GABRG1: variants seen among roughly 807,000 people sequenced by gnomAD.
GABRG1 encodes the protein gamma-aminobutyric acid receptor subunit gamma-1.
Under a neutral mutation model 49.8 loss-of-function variants are expected in GABRG1, and 49 were observed. The ratio of observed to expected loss-of-function variants is 0.98; its 90% CI spans 0.78 to 1.25. The LOEUF (loss-of-function observed/expected upper bound fraction) is 1.25. Among genes scored for constraint, GABRG1 ranks in the 50% most tolerant of loss-of-function variants. The pLI is 0.00. For missense variants in GABRG1, 552 were observed against 552.3 expected, an observed-to-expected ratio of 1.00 and a Z score of 0.01; for synonymous variants, 232 against 185.1, an observed-to-expected ratio of 1.25 and a Z score of -2.06.
chr4:46,074,737 G>C (rs1719261507), intron 3 of GABRG1, among the ~76,000 whole-genome samples: 1 of 152,090 alleles, frequency 6.6e-6, no homozygotes, highest in South Asian at 2.1e-4. Flanking sequence ...GCCTTTGCTA[G>C]ATATAAAAAT....
chr4:46,117,441 T>C (rs988761246), intron 1 of GABRG1, among the ~76,000 whole-genome samples: 7 of 150,094 alleles, frequency 4.7e-5, no homozygotes, highest in African/African-American at 1.5e-4. Flanking sequence ...TGCCACATCT[T>C]ACACAACCAG....
chr4:46,064,446 GA>G lies in GABRG1; in HGVS notation c.619del (p.Ser207GlnfsTer19). The part of the protein sequence containing the change: ...MDEHSCPLEF[S>X]SYGYPKNEIE... ...TCAAGTGTTTTGTTACTTACAGCTTGAAAATTCCAGTGGACAGGAATGTTCA... is the reference window on the plus strand; with the variant it reads ...TCAAGTGTTTTGTTACTTACAGCTTGAAATTCCAGTGGACAGGAATGTTCA... On this transcript the variant is annotated frameshift_variant, in exon 5 of 9. Coordinates refer to ENST00000295452, the MANE Select transcript of GABRG1 (RefSeq NM_173536.4). LOFTEE classifies it high-confidence loss of function. 1.1e-5 allele frequency: 17 copies of G among 1,511,682 alleles called. No homozygotes were observed. Among genetic ancestry groups the G allele is most frequent in the Non-Finnish European group, 1.4e-5 (16 of 1,125,542 alleles). 93.6% of individuals were successfully genotyped at this position (1,511,682 alleles called of 1,614,324 possible). A position where few individuals can be genotyped will look rare whatever the true frequency, so the allele number is the denominator to read the frequency against.
chr4:46,117,759 T>C (rs1720957462), intron 1 of GABRG1, among the ~76,000 whole-genome samples: 1 of 140,844 alleles, frequency 7.1e-6, no homozygotes, highest in South Asian at 2.1e-4. Context: ...CATACATGTA[T>C]ATACATATAC....
intron 8 of GABRG1, among the ~76,000 whole-genome samples, chr4:46,045,151 A>G (rs139776979): frequency 6.6e-6 from 1 of 152,122 alleles, no homozygotes; most frequent in Non-Finnish European, 1.5e-5. Flanking sequence ...TACTGATTCT[A>G]ATATTTTAGG....
chr4:46,107,353 A>G (rs1454343532), intron 1 of GABRG1, among the ~76,000 whole-genome samples: 1 of 151,314 alleles, frequency 6.6e-6, no homozygotes, highest in Non-Finnish European at 1.5e-5. Flanking sequence ...ATAATAATGT[A>G]CACAATGCTT....
chr4:46,059,528 A>C (rs994620819), intron 5 of GABRG1, among the ~76,000 whole-genome samples: 2 of 151,912 alleles, frequency 1.3e-5, no homozygotes, highest in Non-Finnish European at 2.9e-5. Context: ...GCTGAGACCT[A>C]TACAGGTGCT....
At chr4:46,078,765 A>G (rs536104372) in intron 3 of GABRG1, among the ~76,000 whole-genome samples, 48 of 152,116 alleles carry the variant, frequency 3.2e-4, no homozygotes, top group Non-Finnish European at 5.3e-4. Context: ...CTATTTGACC[A>G]TAGATTTTGG....
At chr4:46,110,576 T>TAGA (rs1720682384) in intron 1 of GABRG1, among the ~76,000 whole-genome samples, 2 of 151,008 alleles carry the variant, frequency 1.3e-5, no homozygotes, top group African/African-American at 4.8e-5. Context: ...GCAAATATCC[T>TAGA]TGATGAACAT....
chr4:46,073,101 A>C (rs1306035352), intron 3 of GABRG1, among the ~76,000 whole-genome samples: 1 of 152,026 alleles, frequency 6.6e-6, no homozygotes, highest in Non-Finnish European at 1.5e-5. Context: ...TTTTTGATAA[A>C]TTAGAAATGT....
At position 46,114,367 on chromosome 4, in the gene GABRG1, T is replaced by C. The variant is rs76748298; in HGVS notation, c.104+9443A>G. Among the ~76,000 whole-genome samples, 263 of 151,078 alleles carry C rather than the reference T, an allele frequency of 1.7e-3. 1 individual carries two copies. The East Asian group carries it at 0.048, about 27-fold the overall frequency. ...CACTTAACATACATAGAGAGATGCTTTGAAAACTTGAAATGACAGAAGAGA... is the reference window on the plus strand; with the variant it reads ...CACTTAACATACATAGAGAGATGCTCTGAAAACTTGAAATGACAGAAGAGA... On this transcript the variant is annotated intron_variant, in intron 1 of 8. Transcript: ENST00000295452.
rs377379021 is a variant in GABRG1, at chr4:46,120,210, C to T, written c.104+3600G>A. On this transcript the variant is annotated intron_variant, in intron 1 of 8. Coordinates refer to ENST00000295452, the MANE Select transcript of GABRG1 (RefSeq NM_173536.4). ...AATTACTCTCTTGAAGCTCATTCTT[C>T]CTTTTCTTTCATGGAAGTCATTTAT... is the stretch of plus-strand genomic sequence containing the variant. Among the ~76,000 whole-genome samples the T allele has an allele frequency of 4.0e-5, 6 of 151,794 alleles. No homozygotes were observed. The South Asian group carries it at 6.2e-4, about 16-fold the overall frequency.
At chr4:46,059,536 G>T (rs115486080) in intron 5 of GABRG1, among the ~76,000 whole-genome samples, 4 of 151,808 alleles carry the variant, frequency 2.6e-5, no homozygotes, top group African/African-American at 7.3e-5. Context: ...CTATACAGGT[G>T]CTTGCCAACA....
In GABRG1 at chr4:46,059,632, C is replaced by T. The variant is rs567566413; in HGVS notation, c.626-1010G>A. ...TTTGCCATGTTGGCCAGGCTATTCT[C>T]GAACCCCTGACCTCAGGTGATCTGC... On this transcript the variant is annotated intron_variant, in intron 5 of 8. Transcript: ENST00000295452. Among the ~76,000 whole-genome samples, 13 of 152,088 alleles carry T rather than the reference C, an allele frequency of 8.5e-5. No individual in the cohort carries two copies. In the South Asian group the frequency reaches 2.5e-3, roughly 29 times the overall value.
chr4:46,115,817 C>G (rs1720866898), intron 1 of GABRG1, among the ~76,000 whole-genome samples: 1 of 150,516 alleles, frequency 6.6e-6, no homozygotes, highest in Non-Finnish European at 1.5e-5. Flanking sequence ...CCAATCATAT[C>G]AGAGCATAGT....
chr4:46,051,644 G>C lies in GABRG1; in HGVS notation c.917-6C>G. On this transcript the variant is annotated splice_polypyrimidine_tract_variant and splice_region_variant and intron_variant, in intron 7 of 8. Coordinates refer to ENST00000295452, the MANE Select transcript of GABRG1 (RefSeq NM_173536.4). The stretch of plus-strand genomic sequence containing the variant: ...AGTCAGAACTGTAGTGATACCTATA[G>C]AGAGAGGAAACAAAACAGGAAATGA... The C allele has an allele frequency of 6.5e-7, 1 of 1,539,784 alleles. No homozygotes were observed. Among genetic ancestry groups the C allele is most frequent in the Non-Finnish European group, 8.9e-7 (1 of 1,126,894 alleles).
At chr4:46,047,716 A>C (rs1979772) in intron 8 of GABRG1, among the ~76,000 whole-genome samples, 76,659 of 151,656 alleles carry the variant, frequency 0.51, 19,966 homozygotes, top group African/African-American at 0.63. Flanking sequence ...TATAAAAATA[A>C]CCTACTTCTG....
At chr4:46,106,185 C>T (rs995206621) in intron 1 of GABRG1, among the ~76,000 whole-genome samples, 1 of 151,396 alleles carries the variant, frequency 6.6e-6, no homozygotes, top group Non-Finnish European at 1.5e-5. Flanking sequence ...GACTTTCATT[C>T]CTGACAGTGG....
chr4:46,076,726 G>C (rs1398902020), intron 3 of GABRG1, among the ~76,000 whole-genome samples: 2 of 151,460 alleles, frequency 1.3e-5, no homozygotes, highest in East Asian at 3.9e-4. Flanking sequence ...AACATTCTAT[G>C]ATTACTAACC....
At chr4:46,076,256 T>C (rs904252226) in intron 3 of GABRG1, among the ~76,000 whole-genome samples, 4 of 150,376 alleles carry the variant, frequency 2.7e-5, no homozygotes, top group Admixed American at 1.3e-4. Flanking sequence ...TTAAGGAAAT[T>C]TTGGTTTTTA....
Sources: allele counts gnomAD v4.1 joint callset (sites outside exome capture counted in the v4.1 genomes callset), GRCh38; gene constraint gnomAD v4.1.1; transcripts MANE v1.5; gene names NCBI Gene and HGNC (gene_info 2026-07-23, HGNC 2026-07-21).